The following TRIM34 variants were observed in gnomAD, a reference collection of about 807,000 sequenced individuals.
TRIM34 encodes the protein E3 ubiquitin-protein ligase TRIM34.
TRIM34 carries 41 observed loss-of-function variants against 38.1 expected under a neutral mutation model. The ratio of observed to expected loss-of-function variants is 1.08; its 90% CI spans 0.84 to 1.40. TRIM34 has a LOEUF of 1.40. TRIM34 is among the 40% of genes most tolerant of loss of function. The probability of loss-of-function intolerance (pLI) is 0.00; values close to 1 mark genes in which losing one functional copy is unlikely to be tolerated. For missense variants in TRIM34, 556 were observed against 571.4 expected (o/e 0.97, Z 0.27); for synonymous variants, 200 against 202.5 (o/e 0.99, Z 0.10).
Position 5,643,836 on chromosome 11 carries a change from T to C in TRIM34, c.*127T>C. 7.9e-7 allele frequency: 1 copy of C among 1,261,932 alleles called. No homozygotes were observed. The highest frequency in any genetic ancestry group is 2.4e-5 in the Admixed American group (1 of 40,990). 78.2% of individuals were successfully genotyped at this position (1,261,932 alleles called of 1,614,324 possible). On this transcript the variant is annotated 3_prime_UTR_variant, in exon 8 of 8. Transcript: ENST00000429814. The stretch of plus-strand genomic sequence containing the variant: ...TTAGAACTTTTACTCATCCTTGAGA[T>C]GTATGGTGTATTTGGCTTGAGTTAT...
intron 1 of TRIM34, among the ~76,000 whole-genome samples, chr11:5,628,554 G>C (rs1214818544): frequency 1.3e-5 from 2 of 152,156 alleles, no homozygotes; most frequent in Non-Finnish European, 2.9e-5. Flanking sequence ...GGTTAGAGGA[G>C]TAGACAGGTC....
At chr11:5,631,111 A>T (rs12226152) in intron 1 of TRIM34, among the ~76,000 whole-genome samples, 1 of 152,140 alleles carries the variant, frequency 6.6e-6, no homozygotes, top group African/African-American at 2.4e-5. Context: ...TCTGTGATCT[A>T]TGTGTAATTC....
At chr11:5,636,361 T>C (rs757591910) in intron 4 of TRIM34, among the ~76,000 whole-genome samples, 3 of 152,186 alleles carry the variant, frequency 2.0e-5, no homozygotes, top group South Asian at 2.1e-4. Flanking sequence ...GCCAGAGCTC[T>C]GGGGAAGAAT....
chr11:5,634,526 CACACATATAT>C (rs1201286607), intron 3 of TRIM34, 95 bp from the exon 4 acceptor site: 1 of 653,114 alleles, frequency 1.5e-6, no homozygotes, highest in Admixed American at 3.4e-5. Flanking sequence ...CACACACACA[CACACATATAT>C]ATATATATAT....
At chr11:5,634,062 G>T (rs1849607533) in intron 3 of TRIM34, among the ~76,000 whole-genome samples, 163 bp downstream of exon 3, 1 of 152,178 alleles carries the variant, frequency 6.6e-6, no homozygotes, top group Non-Finnish European at 1.5e-5. Context: ...CTAGAAAGTG[G>T]ACATGTTACA....
intron 6 of TRIM34, 90 bp downstream of exon 6, chr11:5,642,596 C>T (rs1000218152): frequency 3.4e-6 from 5 of 1,491,558 alleles, no homozygotes; most frequent in Admixed American, 4.4e-5. Flanking sequence ...AAATTGAGGA[C>T]AGAAGAGAGG....
intron 3 of TRIM34, among the ~76,000 whole-genome samples, chr11:5,634,132 C>A (rs1181011789): frequency 1.3e-5 from 2 of 152,160 alleles, no homozygotes; most frequent in Non-Finnish European, 2.9e-5. Flanking sequence ...GGAAGGCTAG[C>A]AAATACTGTG....
At position 5,643,377 on chromosome 11, in the gene TRIM34, A is replaced by C. The variant is rs759672818; in HGVS notation, c.1135A>C (p.Arg379=). The C allele has an allele frequency of 6.2e-7, 1 of 1,614,182 alleles. No individual in the cohort carries two copies. Among genetic ancestry groups the C allele is most frequent in the South Asian group, 1.1e-5 (1 of 91,086 alleles). The change falls in exon 8 of 8, where the codon AGA becomes CGA. Residue 379 remains arginine (R), a synonymous_variant. Coordinates refer to ENST00000429814, the MANE Select transcript of TRIM34 (RefSeq NM_021616.6). ...TTCCCGCCATATGAAGTATGTTGTT[A>C]GAAGATGTGCAAATCGTCAAAATCT... ...TYSRHMKYVV[R]RCANRQNLYT...
intron 1 of TRIM34, among the ~76,000 whole-genome samples, chr11:5,628,478 A>C (rs1260718854): frequency 2.6e-5 from 4 of 152,178 alleles, no homozygotes; most frequent in Non-Finnish European, 4.4e-5. Flanking sequence ...TATCTGTACC[A>C]TTGGCTGGAT....
chr11:5,628,119 G>A (rs994144280), intron 1 of TRIM34, among the ~76,000 whole-genome samples: 4 of 152,202 alleles, frequency 2.6e-5, no homozygotes, highest in Non-Finnish European at 4.4e-5. Context: ...ACGTGGGACC[G>A]TGGTTACTCT....
intron 5 of TRIM34, among the ~76,000 whole-genome samples, 172 bp from the exon 6 acceptor site, chr11:5,642,232 GAC>G (rs2133956374): frequency 6.6e-6 from 1 of 152,296 alleles, no homozygotes; most frequent in East Asian, 1.9e-4. Context: ...AGGGAAAGTA[GAC>G]ACAGTCACAT....
At chr11:5,622,204 G>A (rs1247538538), upstream of TRIM34, among the ~76,000 whole-genome samples, 2 of 152,242 alleles carry the variant, frequency 1.3e-5, no homozygotes, top group East Asian at 1.9e-4. Context: ...CCAGGACTTC[G>A]GGAGGCCGAG....
chr11:5,620,609 C>G (rs906534339), upstream of TRIM34, among the ~76,000 whole-genome samples: 2 of 152,154 alleles, frequency 1.3e-5, no homozygotes, highest in Admixed American at 1.3e-4. Context: ...TAGTAATTCT[C>G]TTTCTTTGGA....
chr11:5,638,559 G>C (rs1185831127), intron 4 of TRIM34, among the ~76,000 whole-genome samples: 1 of 152,232 alleles, frequency 6.6e-6, no homozygotes, highest in Non-Finnish European at 1.5e-5. Context: ...CAGTGGTGAT[G>C]ATGGGGGAAT....
At position 5,641,193 on chromosome 11, in the gene TRIM34, C is replaced by T. The variant is rs375882813; in HGVS notation, c.773+4C>T. ...ACATGAGTGGAATCATGAAATGGTG[C>T]GTATGGGTGGCCAGGAGTGGTGCTT... On this transcript the variant is annotated splice_donor_region_variant and intron_variant, in intron 5 of 7. Coordinates refer to ENST00000429814, the MANE Select transcript of TRIM34 (RefSeq NM_021616.6). 171 of 1,613,238 alleles carry T rather than the reference C, an allele frequency of 1.1e-4. No homozygotes were observed. The highest frequency in any genetic ancestry group is 6.2e-4 in the East Asian group (28 of 44,848).
Position 5,643,137 on chromosome 11 carries a change from C to A in TRIM34, c.902-7C>A. ...TACATATATATATATTTTTTTTTTT[C>A]TTGCAGTGGATGTCACACTGAATTC... On this transcript the variant is annotated splice_polypyrimidine_tract_variant and splice_region_variant and intron_variant, in intron 7 of 7. Coordinates refer to ENST00000429814, the MANE Select transcript of TRIM34 (RefSeq NM_021616.6). 2.5e-6 allele frequency: 3 copies of A among 1,180,834 alleles called. No homozygotes were observed. Among genetic ancestry groups the A allele is most frequent in the Non-Finnish European group, 3.3e-6 (3 of 917,832 alleles). The allele number at this position is 1,180,834 out of a possible 1,614,324, so 73.1% of individuals were successfully genotyped here. A position where few individuals can be genotyped will look rare whatever the true frequency, so the allele number is the denominator to read the frequency against.
intron 1 of TRIM34, 100 bp from the exon 2 acceptor site, chr11:5,632,155 G>T (rs1849507924): frequency 1.4e-6 from 2 of 1,480,044 alleles, no homozygotes; most frequent in South Asian, 2.8e-5. Flanking sequence ...CATCTTCTTT[G>T]TTCTTTGATA....
chr11:5,628,423 T>C (rs1590158382), intron 1 of TRIM34, among the ~76,000 whole-genome samples: 2 of 152,368 alleles, frequency 1.3e-5, no homozygotes, highest in Admixed American at 1.3e-4. Context: ...CCAATGGTCA[T>C]TGTAGCCAGG....
intron 4 of TRIM34, among the ~76,000 whole-genome samples, chr11:5,638,008 G>T (rs1032678187): frequency 6.6e-6 from 1 of 152,128 alleles, no homozygotes; most frequent in Admixed American, 6.5e-5. Context: ...TTCCATCCTT[G>T]TACTTGTTTA....
Sources: gnomAD v4.1 joint callset for allele counts (sites outside exome capture counted in the v4.1 genomes callset) on GRCh38, gnomAD v4.1.1 for gene constraint, MANE v1.5 for transcripts, NCBI Gene and HGNC (gene_info 2026-07-23, HGNC 2026-07-21) for gene names.